Variants in RPS6KA5 observed in about 807,000 individuals in gnomAD.
RPS6KA5 encodes ribosomal protein S6 kinase alpha-5.
RPS6KA5 carries 27 observed loss-of-function variants against 85.5 expected under a neutral mutation model. The ratio of observed to expected loss-of-function variants is 0.32; its 90% CI spans 0.23 to 0.44. The LOEUF (loss-of-function observed/expected upper bound fraction) is 0.44. RPS6KA5 is among the 20% of genes least tolerant of loss of function. The probability of loss-of-function intolerance (pLI) is 1.00; values close to 1 mark genes in which losing one functional copy is unlikely to be tolerated. For synonymous variants in RPS6KA5, 334 were observed against 348.2 expected, an observed-to-expected ratio of 0.96 and a Z score of 0.46; for missense variants, 811 against 980.9, an observed-to-expected ratio of 0.83 and a Z score of 2.31.
intron 1 of RPS6KA5, among the ~76,000 whole-genome samples, chr14:91,024,089 A>G (rs1397393219): frequency 1.3e-5 from 2 of 152,040 alleles, no homozygotes; most frequent in Non-Finnish European, 2.9e-5. Flanking sequence ...TTCTTTCTGT[A>G]TTTAATTAAG....
intron 1 of RPS6KA5, among the ~76,000 whole-genome samples, chr14:91,013,088 C>T (rs78790409): frequency 0.022 from 3,341 of 152,248 alleles, 45 homozygotes; most frequent in Non-Finnish European, 0.031. Flanking sequence ...CAAGGCAATG[C>T]CCCCAGTGTA....
intron 3 of RPS6KA5, among the ~76,000 whole-genome samples, chr14:90,951,797 G>A (rs2084231452): frequency 6.6e-6 from 1 of 152,130 alleles, no homozygotes; most frequent in South Asian, 2.1e-4. Context: ...CAGAGGCCTT[G>A]TATGATATTC....
rs527662820 is a variant in RPS6KA5, at chr14:90,912,765, T to C, written c.807-6466A>G. ...ATTAATAATAATAAATTGAGATTAT[T>C]TGGCTGGTATCCTTATCTGCTTCTG... is the stretch of plus-strand genomic sequence containing the variant. On this transcript the variant is annotated intron_variant, in intron 7 of 16. Transcript: ENST00000614987. 3.9e-5 allele frequency among the ~76,000 whole-genome samples: 6 copies of C among 152,246 alleles called. No homozygotes were observed. In the South Asian group the frequency reaches 1.2e-3, roughly 32 times the overall value.
intron 2 of RPS6KA5, among the ~76,000 whole-genome samples, chr14:90,992,701 T>TGC (rs2140535547): frequency 6.6e-6 from 1 of 152,346 alleles, no homozygotes; most frequent in East Asian, 1.9e-4. Context: ...GAATTATCTA[T>TGC]GCCTTGAATG....
intron 1 of RPS6KA5, among the ~76,000 whole-genome samples, chr14:91,045,260 CTTTT>C (rs557182210): frequency 7.5e-6 from 1 of 132,852 alleles, no homozygotes. Context: ...TCTGCTGATT[CTTTT>C]TTTTTTTTTT....
At chr14:90,999,309 G>A (rs1362620020) in intron 2 of RPS6KA5, among the ~76,000 whole-genome samples, 1 of 152,192 alleles carries the variant, frequency 6.6e-6, no homozygotes, top group Non-Finnish European at 1.5e-5. Context: ...TTTCTTTCTT[G>A]CTATAATGTT....
intron 8 of RPS6KA5, among the ~76,000 whole-genome samples, chr14:90,904,110 C>T (rs536069762): frequency 5.3e-5 from 8 of 152,178 alleles, no homozygotes; most frequent in East Asian, 1.9e-4. Flanking sequence ...CCACCATGCC[C>T]GGCTAATTTT....
At chr14:91,039,259 T>G (rs892892518) in intron 1 of RPS6KA5, among the ~76,000 whole-genome samples, 2 of 152,150 alleles carry the variant, frequency 1.3e-5, no homozygotes, top group Non-Finnish European at 1.5e-5. Context: ...CAGTAAGTCA[T>G]CCACTCTGAG....
At chr14:90,885,422 G>A (rs2034130382) in intron 14 of RPS6KA5, among the ~76,000 whole-genome samples, 1 of 149,540 alleles carries the variant, frequency 6.7e-6, no homozygotes. Flanking sequence ...GCGTAGTGGC[G>A]GGCGCCTGTA....
chr14:91,010,710 T>G (rs2041221020), intron 1 of RPS6KA5, among the ~76,000 whole-genome samples: 2 of 151,828 alleles, frequency 1.3e-5, no homozygotes, highest in South Asian at 4.1e-4. Flanking sequence ...ACAGGGGAAA[T>G]GGGAAAGAAT....
At chr14:90,964,408 C>A (rs1426503126) in intron 3 of RPS6KA5, among the ~76,000 whole-genome samples, 1 of 152,076 alleles carries the variant, frequency 6.6e-6, no homozygotes, top group Non-Finnish European at 1.5e-5. Flanking sequence ...CAAATAAGTA[C>A]TACAAAACAT....
chr14:90,943,318 T>A, intron 4 of RPS6KA5, 133 bp from the exon 5 acceptor site: 1 of 579,966 alleles, frequency 1.7e-6, no homozygotes, highest in Non-Finnish European at 3.0e-6. Flanking sequence ...GTAATGGCTC[T>A]TGGTGATTGG....
intron 1 of RPS6KA5, among the ~76,000 whole-genome samples, chr14:91,057,866 G>C (rs2043387942): frequency 6.6e-6 from 1 of 152,250 alleles, no homozygotes; most frequent in South Asian, 2.1e-4. Flanking sequence ...ATGTGAATCT[G>C]AAAGGGTGAA....
chr14:90,904,843 T>G (rs2035414285), intron 8 of RPS6KA5, among the ~76,000 whole-genome samples: 1 of 152,120 alleles, frequency 6.6e-6, no homozygotes. Context: ...AAAAGAGAAA[T>G]TTCTCTAATA....
At chr14:91,025,694 G>A (rs2041964187) in intron 1 of RPS6KA5, among the ~76,000 whole-genome samples, 2 of 151,642 alleles carry the variant, frequency 1.3e-5, no homozygotes, top group South Asian at 4.2e-4. Context: ...CAAGGCAAAT[G>A]AGAAGTTTCC....
chr14:91,042,830 A>G (rs1314657435), intron 1 of RPS6KA5, among the ~76,000 whole-genome samples: 1 of 152,098 alleles, frequency 6.6e-6, no homozygotes, highest in African/African-American at 2.4e-5. Context: ...ATAGCTATGA[A>G]ACTGTAGTAC....
rs151000402 is a variant in RPS6KA5 at position 90,860,477 on chromosome 14, T to C, written c.*11597A>G. On this transcript the variant is annotated 3_prime_UTR_variant, in exon 17 of 17. Coordinates refer to ENST00000614987, the MANE Select transcript of RPS6KA5 (RefSeq NM_004755.4). ...TGAACCTAGGAGGTGGAGGTTGCAG[T>C]GAGCCAAGATTGTGCCACTGCACTC... 7.4e-3 allele frequency: 1,120 copies of C among 152,336 alleles called. 12 individuals carry two copies. The highest frequency in any genetic ancestry group is 0.017 in the Middle Eastern group (5 of 294). 9.4% of individuals were successfully genotyped at this position (152,336 alleles called of 1,614,324 possible). A position where few individuals can be genotyped will look rare whatever the true frequency, so the allele number is the denominator to read the frequency against.
chr14:90,952,644 T>C (rs2038264009), intron 3 of RPS6KA5, among the ~76,000 whole-genome samples: 1 of 152,236 alleles, frequency 6.6e-6, no homozygotes, highest in Non-Finnish European at 1.5e-5. Context: ...AGACAGTCTG[T>C]TATTTGGCTT....
At chr14:90,941,142 A>T (rs538456367) in intron 5 of RPS6KA5, among the ~76,000 whole-genome samples, 1 of 152,252 alleles carries the variant, frequency 6.6e-6, no homozygotes, top group Non-Finnish European at 1.5e-5. Flanking sequence ...AAGCCTGTGG[A>T]CCCCTTCTCA....
Sources: allele counts gnomAD v4.1 joint callset (sites outside exome capture counted in the v4.1 genomes callset), GRCh38; gene constraint gnomAD v4.1.1; transcripts MANE v1.5; gene names NCBI Gene and HGNC (gene_info 2026-07-23, HGNC 2026-07-21).